Variants in PANK2 observed in about 807,000 individuals in gnomAD.
PANK2 encodes the protein pantothenate kinase 2.
Under a neutral mutation model 43.1 loss-of-function variants are expected in PANK2, and 36 were observed. The ratio of observed to expected loss-of-function variants is 0.84; its 90% CI spans 0.64 to 1.10. PANK2 has a LOEUF of 1.10. PANK2 is among the 50% of genes least tolerant of loss of function. The pLI is 0.00. For synonymous variants in PANK2, 281 were observed against 238.2 expected (o/e 1.18, Z -1.66); for missense variants, 576 against 593.3 (o/e 0.97, Z 0.30).
chr20:3,902,870 T>C (rs2090323463), intron 1 of PANK2, among the ~76,000 whole-genome samples: 1 of 151,920 alleles, frequency 6.6e-6, no homozygotes. Context: ...TTAGCAATTG[T>C]TTTTTCTCTT....
chr20:3,918,839 G>A, intron 6 of PANK2, 43 bp downstream of exon 6: 1 of 1,614,054 alleles, frequency 6.2e-7, no homozygotes, highest in South Asian at 1.1e-5. Flanking sequence ...TACACAGAGG[G>A]CTTGTGGGTC....
In PANK2 at chr20:3,912,782, T is replaced by A. The variant is rs984287271; in HGVS notation, c.1082+148T>A. Reference sequence around the variant, plus strand: ...CTGGCCAACATAGTGTAACCCTGTCTCTACTAAAAATACAAAAATTAGCTA... The same window carrying A: ...CTGGCCAACATAGTGTAACCCTGTCACTACTAAAAATACAAAAATTAGCTA... On this transcript the variant is annotated intron_variant, in intron 4 of 6. Transcript: ENST00000610179. 8.2e-6 allele frequency: 7 copies of A among 851,608 alleles called. No homozygotes were observed. In the East Asian group the frequency reaches 1.9e-4, roughly 23 times the overall value. The allele number at this position is 851,608 out of a possible 1,614,324, so 52.8% of individuals were successfully genotyped here. A position where few individuals can be genotyped will look rare whatever the true frequency, so the allele number is the denominator to read the frequency against.
Position 3,907,997 on chromosome 20 carries a change from A to G in PANK2, c.370A>G (p.Thr124Ala), listed in dbSNP as rs137852965. Residue 124 changes from threonine to alanine, a missense_variant, in exon 2 of 7, where the codon ACT becomes GCT. Around this residue, in one of 2 missense-constraint regions of PANK2, gnomAD observed 544 missense variants for 528.9 expected, o/e 1.03. Coordinates refer to ENST00000610179, the MANE Select transcript of PANK2 (RefSeq NM_001386393.1). ...GGTATATTTTGAACCCAAAGACATC[A>G]CTGCTGAAGAAGAAGAGGAAGAAGT... The G allele has an allele frequency of 2.6e-5, 42 of 1,614,058 alleles. No homozygotes were observed. The highest frequency in any genetic ancestry group is 3.4e-5 in the Non-Finnish European group (40 of 1,180,044).
At chr20:3,907,099 CTTTTTT>C (rs71195867) in intron 1 of PANK2, among the ~76,000 whole-genome samples, 3 of 80,632 alleles carry the variant, frequency 3.7e-5, no homozygotes, top group African/African-American at 1.5e-4. Context: ...CCAGCCCTGC[CTTTTTT>C]TTTTTTTTTT....
intron 2 of PANK2, among the ~76,000 whole-genome samples, chr20:3,909,353 T>A (rs1003429701): frequency 2.6e-5 from 4 of 152,196 alleles, no homozygotes; most frequent in African/African-American, 9.7e-5. Flanking sequence ...GTGCTGGGAT[T>A]ACAGGGGTGA....
Position 3,889,476 on chromosome 20 carries a change from G to A in PANK2, c.46G>A (p.Gly16Arg). 2 of 1,521,190 alleles carry A rather than the reference G, an allele frequency of 1.3e-6. No individual in the cohort carries two copies. The highest frequency in any genetic ancestry group is 1.7e-6 in the Non-Finnish European group (2 of 1,143,094). The allele number at this position is 1,521,190 out of a possible 1,614,324, so 94.2% of individuals were successfully genotyped here. ...GCAGCGACTGCTGCTGCGGATGGGAGGGGGCCGGCTCGGCGCGCCCATGGA... is the reference window on the plus strand; with the variant it reads ...GCAGCGACTGCTGCTGCGGATGGGAAGGGGCCGGCTCGGCGCGCCCATGGA... Residue 16 changes from glycine (G) to arginine (R), a missense_variant, in exon 1 of 7, where the codon GGG becomes AGG. Transcript: ENST00000610179.
At chr20:3,913,961 T>C (rs1383867900) in intron 4 of PANK2, among the ~76,000 whole-genome samples, 2 of 151,946 alleles carry the variant, frequency 1.3e-5, no homozygotes, top group Non-Finnish European at 1.5e-5. Flanking sequence ...GCTATTTTTT[T>C]TGTATTTTTA....
chr20:3,897,436 C>T (rs1365773709), intron 1 of PANK2, among the ~76,000 whole-genome samples: 1 of 152,174 alleles, frequency 6.6e-6, no homozygotes, highest in Non-Finnish European at 1.5e-5. Context: ...TGTGTTAGCT[C>T]ACGTCTGTAA....
rs2090748074 is a variant in PANK2, at chr20:3,927,871, GAAGT to G, written c.*4581_*4584del. 1 of 152,254 alleles carries G rather than the reference GAAGT, an allele frequency of 6.6e-6. No homozygotes were observed. 9.4% of individuals were successfully genotyped at this position (152,254 alleles called of 1,614,324 possible). The stretch of plus-strand genomic sequence containing the variant: ...CACTGGTGGGGCCCTTACAGTCACA[GAAGT>G]AAGGACTGGATGGTAAGCCAAAGGT... On this transcript the variant is annotated 3_prime_UTR_variant, in exon 7 of 7. Transcript: ENST00000610179.
chr20:3,901,434 AT>A (rs925579776), intron 1 of PANK2: 146 of 181,832 alleles, frequency 8.0e-4, no homozygotes, highest in Non-Finnish European at 1.3e-3. Context: ...TGTGAAAGTC[AT>A]TTTTTTTTTC....
intron 6 of PANK2, among the ~76,000 whole-genome samples, chr20:3,920,902 A>G (rs578057482): frequency 6.6e-6 from 1 of 152,240 alleles, no homozygotes; most frequent in South Asian, 2.1e-4. Flanking sequence ...AGCCTTCGTG[A>G]AATTCTTGGT....
rs1393787343 is a variant in PANK2 at position 3,923,442 on chromosome 20, T to G, written c.*148T>G. 4 of 870,662 alleles carry G rather than the reference T, an allele frequency of 4.6e-6. No homozygotes were observed. Among genetic ancestry groups the G allele is most frequent in the Non-Finnish European group, 7.3e-6 (4 of 548,856 alleles). The allele number at this position is 870,662 out of a possible 1,614,324, so 53.9% of individuals were successfully genotyped here. ...TATTTTTCTAAGTCATCAAGATAAA[T>G]CCTTAAGAATTCAGTCTAAATTAGC... On this transcript the variant is annotated 3_prime_UTR_variant, in exon 7 of 7. Transcript: ENST00000610179.
At chr20:3,917,226 A>G (rs1334715005) in intron 5 of PANK2, among the ~76,000 whole-genome samples, 176 bp downstream of exon 5, 4 of 151,616 alleles carry the variant, frequency 2.6e-5, no homozygotes, top group African/African-American at 9.7e-5. Flanking sequence ...TTTTTTTTAA[A>G]CTGAAGATAA....
chr20:3,914,701 G>T (rs1284419353), intron 4 of PANK2, among the ~76,000 whole-genome samples: 1 of 151,966 alleles, frequency 6.6e-6, no homozygotes, highest in Non-Finnish European at 1.5e-5. Context: ...CTGGGTTTTA[G>T]TGATTCTTCT....
At chr20:3,921,831 C>T (rs1030962627) in intron 6 of PANK2, 2 of 152,196 alleles carry the variant, frequency 1.3e-5, no homozygotes, top group African/African-American at 2.4e-5. Flanking sequence ...TTGTCTAAGC[C>T]TCCTGAGTAG....
chr20:3,907,669 C>T (rs571841673), intron 1 of PANK2, among the ~76,000 whole-genome samples: 3 of 152,120 alleles, frequency 2.0e-5, no homozygotes, highest in South Asian at 2.1e-4. Context: ...CTTCATAGTG[C>T]GGTTTGCGCT....
At chr20:3,889,800 C>T in intron 1 of PANK2, 72 bp downstream of exon 1, 1 of 1,547,660 alleles carries the variant, frequency 6.5e-7, no homozygotes, top group South Asian at 1.2e-5. Context: ...CCCTTCCGGC[C>T]CCGCCGCCGT....
intron 5 of PANK2, 89 bp downstream of exon 5, chr20:3,917,139 T>C: frequency 1.3e-6 from 2 of 1,519,564 alleles, no homozygotes; most frequent in East Asian, 2.3e-5. Context: ...GAACAGTGCC[T>C]AAATGTAGTC....
chr20:3,924,811 CTGCT>C lies in PANK2; in HGVS notation c.*1520_*1523del, dbSNP rs2090697213. ...CACCAAAGATGGCACCACCATCCTC[CTGCT>C]TGTACCACAGGGTGCTGCTCCCTGG... On this transcript the variant is annotated 3_prime_UTR_variant, in exon 7 of 7. Coordinates refer to ENST00000610179, the MANE Select transcript of PANK2 (RefSeq NM_001386393.1). 1 of 152,686 alleles carries C rather than the reference CTGCT, an allele frequency of 6.5e-6. No individual in the cohort carries two copies. Among genetic ancestry groups the C allele is most frequent in the Non-Finnish European group, 1.5e-5 (1 of 68,432 alleles). The allele number at this position is 152,686 out of a possible 1,614,324, so 9.5% of individuals were successfully genotyped here.
Sources: gnomAD v4.1 joint callset for allele counts (sites outside exome capture counted in the v4.1 genomes callset) on GRCh38, gnomAD v4.1.1 for gene constraint, gnomAD v4.1.1 regional missense constraint, MANE v1.5 for transcripts, NCBI Gene and HGNC (gene_info 2026-07-23, HGNC 2026-07-21) for gene names.